Variants in NAALAD2 observed in about 807,000 individuals in gnomAD.
The protein encoded by NAALAD2 is N-acetylated alpha-linked acidic dipeptidase 2, also known as N-acetylated-alpha-linked acidic dipeptidase 2.
NAALAD2 carries 89 observed loss-of-function variants against 95.6 expected under a neutral mutation model. The observed-to-expected ratio is 0.93, with a 90% CI of 0.78 to 1.11. The LOEUF is 1.11. Among genes scored for constraint, NAALAD2 ranks in the 50% least tolerant of loss-of-function variants. The pLI is 0.00. For synonymous variants in NAALAD2, 264 were observed against 294.4 expected, an observed-to-expected ratio of 0.90 and a Z score of 1.06; for missense variants, 894 against 872.4, an observed-to-expected ratio of 1.02 and a Z score of -0.31.
At chr11:90,190,548 A>G (rs1046857850) in intron 18 of NAALAD2, among the ~76,000 whole-genome samples, 6 of 152,152 alleles carry the variant, frequency 3.9e-5, no homozygotes, top group African/African-American at 1.2e-4. Flanking sequence ...TTCCTTTACA[A>G]TTCTCCAGAA....
intron 2 of NAALAD2, among the ~76,000 whole-genome samples, chr11:90,138,251 C>T (rs1035454435): frequency 2.0e-5 from 3 of 151,028 alleles, no homozygotes; most frequent in Non-Finnish European, 4.4e-5. Context: ...TGAAGGTCTT[C>T]ATCCAGTCTT....
upstream of NAALAD2, among the ~76,000 whole-genome samples, chr11:90,133,646 G>A (rs1213507316): frequency 6.6e-6 from 1 of 152,126 alleles, no homozygotes; most frequent in Non-Finnish European, 1.5e-5. Flanking sequence ...ATTTTAAGAG[G>A]GTAGTAAATG....
In NAALAD2 at chr11:90,167,826, C is replaced by T. The variant is rs1284599896; in HGVS notation, c.1279-1103C>T. Reference sequence around the variant, plus strand: ...TGTAGCTCAGGGATTGTAAACGCACCTATCAGCACCCTGTCAAAACGGAGC... The same window carrying T: ...TGTAGCTCAGGGATTGTAAACGCACTTATCAGCACCCTGTCAAAACGGAGC... On this transcript the variant is annotated intron_variant, in intron 11 of 18. Transcript: ENST00000534061. Among the ~76,000 whole-genome samples the T allele has an allele frequency of 3.9e-5, 6 of 152,022 alleles. No individual in the cohort carries two copies. The East Asian group carries it at 7.8e-4, about 20-fold the overall frequency.
intron 18 of NAALAD2, among the ~76,000 whole-genome samples, chr11:90,190,839 A>G (rs1857301128): frequency 6.6e-6 from 1 of 152,144 alleles, no homozygotes; most frequent in South Asian, 2.1e-4. Context: ...TTTACTCTAG[A>G]ATAAGCTTTG....
At chr11:90,169,049 A>G (rs1038518315) in intron 12 of NAALAD2, 57 bp downstream of exon 12, 2 of 1,262,490 alleles carry the variant, frequency 1.6e-6, no homozygotes, top group African/African-American at 3.0e-5. Context: ...TACTTCAAGT[A>G]ACTTTTATTA....
At chr11:90,158,790 A>G (rs1451972884) in intron 7 of NAALAD2, 1 of 181,342 alleles carries the variant, frequency 5.5e-6, no homozygotes, top group Non-Finnish European at 1.1e-5. Flanking sequence ...CATATCCCCC[A>G]ACTCCCATTT....
chr11:90,151,265 A>T (rs1382233890), intron 5 of NAALAD2, among the ~76,000 whole-genome samples: 2 of 152,170 alleles, frequency 1.3e-5, no homozygotes, highest in Non-Finnish European at 2.9e-5. Flanking sequence ...TAGAGTCCTT[A>T]TTGAATGACT....
At position 90,169,034 on chromosome 11, in the gene NAALAD2, A is replaced by C. The variant is rs551376128; in HGVS notation, c.1342+42A>C. 37 of 1,441,436 alleles carry C rather than the reference A, an allele frequency of 2.6e-5. No individual in the cohort carries two copies. In the East Asian group the frequency reaches 8.1e-4, roughly 31 times the overall value. 89.3% of individuals were successfully genotyped at this position (1,441,436 alleles called of 1,614,324 possible). On this transcript the variant is annotated intron_variant, in intron 12 of 18. Transcript: ENST00000534061. Reference sequence around the variant, plus strand: ...TTTGAAGTGAAATTTTCAGAAAGGAAATTTTACTTCAAGTAACTTTTATTA... The same window carrying C: ...TTTGAAGTGAAATTTTCAGAAAGGACATTTTACTTCAAGTAACTTTTATTA...
chr11:90,148,983 T>A, intron 3 of NAALAD2, 23 bp from the exon 4 acceptor site: 1 of 1,439,120 alleles, frequency 6.9e-7, no homozygotes, highest in Non-Finnish European at 9.6e-7. Flanking sequence ...TTTTCTAACT[T>A]GACATATTTT....
chr11:90,139,237 T>C (rs1173067038), intron 2 of NAALAD2, among the ~76,000 whole-genome samples: 4 of 152,192 alleles, frequency 2.6e-5, no homozygotes, highest in Admixed American at 2.6e-4. Context: ...CTTCTTGTTG[T>C]ACAAACAAAA....
At chr11:90,178,159 G>C (rs1230382815) in intron 16 of NAALAD2, 42 bp downstream of exon 16, 1 of 1,541,980 alleles carries the variant, frequency 6.5e-7, no homozygotes, top group Non-Finnish European at 8.8e-7. Flanking sequence ...CTTTAAGTTA[G>C]AGCTTTAAGA....
intron 9 of NAALAD2, 36 bp downstream of exon 9, chr11:90,163,070 A>G: frequency 6.9e-7 from 1 of 1,456,678 alleles, no homozygotes; most frequent in South Asian, 1.3e-5. Context: ...TTTTGTTTTT[A>G]CAAAAATTAA....
chr11:90,181,574 T>A, intron 16 of NAALAD2, 46 bp from the exon 17 acceptor site: 2 of 1,368,448 alleles, frequency 1.5e-6, no homozygotes, highest in Non-Finnish European at 2.1e-6. Flanking sequence ...AGCGAACCTC[T>A]GAAATATGAG....
rs570269858 is a variant in NAALAD2, at chr11:90,135,872, A to G, written c.194+202A>G. On this transcript the variant is annotated intron_variant, in intron 2 of 18. Coordinates refer to ENST00000534061, the MANE Select transcript of NAALAD2 (RefSeq NM_005467.4). ...AGGTCTTTCTTCCCTAACTTTATGTAACAAAAAGTATCTGGTTGGCTTATT... is the reference window on the plus strand; with the variant it reads ...AGGTCTTTCTTCCCTAACTTTATGTGACAAAAAGTATCTGGTTGGCTTATT... Among the ~76,000 whole-genome samples, 4 of 151,994 alleles carry G rather than the reference A, an allele frequency of 2.6e-5. No homozygotes were observed. In the South Asian group the frequency reaches 8.3e-4, roughly 32 times the overall value.
intron 15 of NAALAD2, 130 bp from the exon 16 acceptor site, chr11:90,177,723 G>T: frequency 1.1e-6 from 1 of 880,496 alleles, no homozygotes; most frequent in Admixed American, 3.1e-5. Context: ...AAAGTGCTAG[G>T]ATTACAGATG....
chr11:90,155,572 A>G (rs1222274548), intron 6 of NAALAD2, among the ~76,000 whole-genome samples: 3 of 80,636 alleles, frequency 3.7e-5, no homozygotes, highest in Admixed American at 1.8e-4. Flanking sequence ...TATATAATAT[A>G]TAATATATAT....
rs570815574 is a variant in NAALAD2 at position 90,149,610 on chromosome 11, T to G, written c.483+503T>G. ...CCGCCACATCCTGCTAATTTTGTAT[T>G]TTTTTTTAGTGGAGACGGGGTTTCT... is the stretch of plus-strand genomic sequence containing the variant. On this transcript the variant is annotated intron_variant, in intron 4 of 18. Coordinates refer to ENST00000534061, the MANE Select transcript of NAALAD2 (RefSeq NM_005467.4). Among the ~76,000 whole-genome samples, 116 of 151,314 alleles carry G rather than the reference T, an allele frequency of 7.7e-4. 1 individual carries two copies. The highest frequency in any genetic ancestry group is 2.7e-3 in the African/African-American group (112 of 41,318).
intron 2 of NAALAD2, among the ~76,000 whole-genome samples, chr11:90,139,214 C>G (rs1485592198): frequency 6.6e-6 from 1 of 152,058 alleles, no homozygotes; most frequent in African/African-American, 2.4e-5. Flanking sequence ...ACATAGGTTT[C>G]TGTTGTCCAG....
chr11:90,158,319 C>T (rs757346556), intron 7 of NAALAD2, 81 bp downstream of exon 7: 1 of 989,958 alleles, frequency 1.0e-6, no homozygotes, highest in Non-Finnish European at 1.6e-6. Flanking sequence ...ATATGGCATT[C>T]TTATGTTAAA....
Sources: allele counts gnomAD v4.1 joint callset (sites outside exome capture counted in the v4.1 genomes callset), GRCh38; gene constraint gnomAD v4.1.1; transcripts MANE v1.5; gene names NCBI Gene and HGNC (gene_info 2026-07-23, HGNC 2026-07-21).